ADAM23: variants seen among roughly 807,000 people sequenced by gnomAD.
ADAM23 encodes the protein ADAM metallopeptidase domain 23.
In ADAM23, 33 loss-of-function variants were observed where a neutral mutation model predicts 120.1. The ratio of observed to expected loss-of-function variants is 0.27; its 90% CI spans 0.21 to 0.37. The LOEUF (loss-of-function observed/expected upper bound fraction) is 0.37, where lower values mean the gene tolerates loss of function less well. ADAM23 is among the 10% of genes least tolerant of loss of function. The pLI, the probability that ADAM23 is intolerant of heterozygous loss-of-function variation, is 1.00. For missense variants in ADAM23, 862 were observed against 1,058.2 expected, an observed-to-expected ratio of 0.81 and a Z score of 2.57; for synonymous variants, 367 against 375.2, an observed-to-expected ratio of 0.98 and a Z score of 0.25.
chr2:206,480,906 A>T (rs994053513), intron 2 of ADAM23, among the ~76,000 whole-genome samples: 8 of 152,212 alleles, frequency 5.3e-5, no homozygotes, highest in Non-Finnish European at 8.8e-5. Context: ...ACGGGCTGAA[A>T]TCAAGCTTTA....
intron 10 of ADAM23, 87 bp downstream of exon 10, chr2:206,557,585 A>G: frequency 1.6e-6 from 2 of 1,273,920 alleles, no homozygotes; most frequent in Non-Finnish European, 2.3e-6. Flanking sequence ...TATTTCTTGA[A>G]CAAATTTAAA....
chr2:206,608,470 CAA>C (rs1239899589), intron 24 of ADAM23, among the ~76,000 whole-genome samples: 3 of 152,130 alleles, frequency 2.0e-5, no homozygotes, highest in Non-Finnish European at 4.4e-5. Context: ...TTGTAAAGAT[CAA>C]AAGAGATACT....
At chr2:206,613,216 C>T (rs1478608806) in intron 25 of ADAM23, among the ~76,000 whole-genome samples, 2 of 152,082 alleles carry the variant, frequency 1.3e-5, no homozygotes, top group African/African-American at 4.8e-5. Flanking sequence ...TGCGCCACCA[C>T]GCCCAGCTAA....
chr2:206,544,521 G>T (rs1697355433), intron 6 of ADAM23, among the ~76,000 whole-genome samples: 1 of 152,008 alleles, frequency 6.6e-6, no homozygotes, highest in African/African-American at 2.4e-5. Flanking sequence ...GGCAGATAGA[G>T]ATACACAGAA....
chr2:206,470,196 A>G (rs1695624923), intron 2 of ADAM23, among the ~76,000 whole-genome samples: 1 of 152,154 alleles, frequency 6.6e-6, no homozygotes, highest in South Asian at 2.1e-4. Flanking sequence ...AGAAGCCAAC[A>G]AGGTAATATA....
At chr2:206,586,709 G>T (rs1035195509) in intron 18 of ADAM23, among the ~76,000 whole-genome samples, 1 of 152,016 alleles carries the variant, frequency 6.6e-6, no homozygotes, top group African/African-American at 2.4e-5. Context: ...GAGTAACTTT[G>T]GGGGGAAATG....
In ADAM23 at chr2:206,445,487, T is replaced by A. The variant is rs1352316645; in HGVS notation, c.395T>A (p.Leu132His). 1 of 1,614,024 alleles carries A rather than the reference T, an allele frequency of 6.2e-7. No homozygotes were observed. The highest frequency in any genetic ancestry group is 8.5e-7 in the Non-Finnish European group (1 of 1,180,028). ...NQDSESPYHV[L>H]DTKARHQQKH... ...GACTCGGAAAGCCCTTATCACGTTC[T>A]TGACACAAAGGCAAGACACCAGCAA... is the stretch of plus-strand genomic sequence containing the variant. Residue 132 changes from leucine to histidine, a missense_variant, in exon 2 of 26, where the codon CTT becomes CAT. Physicochemically the swap from Leu to His is moderately conservative, Grantham distance 99. Around this residue, in one of 4 missense-constraint regions of ADAM23, gnomAD observed 225 missense variants for 204.0 expected, o/e 1.10. Coordinates refer to ENST00000264377, the MANE Select transcript of ADAM23 (RefSeq NM_003812.4).
intron 22 of ADAM23, among the ~76,000 whole-genome samples, chr2:206,593,780 A>G (rs770829635): frequency 2.6e-5 from 4 of 152,028 alleles, no homozygotes; most frequent in African/African-American, 7.2e-5. Context: ...AAGATATTCT[A>G]TTAGTGACTA....
intron 21 of ADAM23, among the ~76,000 whole-genome samples, chr2:206,590,792 G>A (rs766171717): frequency 6.6e-6 from 1 of 152,082 alleles, no homozygotes; most frequent in Non-Finnish European, 1.5e-5. Context: ...AGGTGTCAGG[G>A]GATAGGAGCA....
rs189652146 is a variant in ADAM23 at position 206,504,337 on chromosome 2, T to C, written c.509+23029T>C. Among the ~76,000 whole-genome samples the C allele has an allele frequency of 1.2e-3, 178 of 152,268 alleles. 1 individual carries two copies. The highest frequency in any genetic ancestry group is 5.1e-4 in the Non-Finnish European group (35 of 68,010). The stretch of plus-strand genomic sequence containing the variant: ...TATAGGTTATCATATTTGCCCTGAG[T>C]GAACCTGTTGTATCAGCCCAGCTCT... On this transcript the variant is annotated intron_variant, in intron 3 of 25. Transcript: ENST00000264377.
chr2:206,522,057 A>G (rs747684313), intron 3 of ADAM23, among the ~76,000 whole-genome samples: 2 of 152,054 alleles, frequency 1.3e-5, no homozygotes, highest in Non-Finnish European at 2.9e-5. Flanking sequence ...CATGAGTTGC[A>G]TGTTGTATAC....
chr2:206,567,514 G>T (rs922665871), intron 15 of ADAM23, among the ~76,000 whole-genome samples, 192 bp downstream of exon 15: 2 of 152,116 alleles, frequency 1.3e-5, no homozygotes, highest in Admixed American at 1.3e-4. Context: ...CATAGATTCA[G>T]CATTCTCAGT....
chr2:206,609,896 A>G lies in ADAM23; in HGVS notation c.2360-14A>G. The G allele has an allele frequency of 6.3e-7, 1 of 1,593,044 alleles. No individual in the cohort carries two copies. Among genetic ancestry groups the G allele is most frequent in the Non-Finnish European group, 8.5e-7 (1 of 1,172,332 alleles). ...TGGTTCATATGACTCTCTTCCCATG[A>G]TCCTTTGTCACAGGTCCTAGTGCCA... On this transcript the variant is annotated splice_polypyrimidine_tract_variant and intron_variant, in intron 24 of 25. Transcript: ENST00000264377.
intron 24 of ADAM23, among the ~76,000 whole-genome samples, chr2:206,598,155 A>G (rs1432543996): frequency 1.3e-5 from 2 of 152,214 alleles, no homozygotes; most frequent in African/African-American, 4.8e-5. Flanking sequence ...TTTAAGCTCT[A>G]ACAAGAGAAG....
At chr2:206,530,820 C>T in intron 3 of ADAM23, 65 bp from the exon 4 acceptor site, 1 of 1,439,804 alleles carries the variant, frequency 6.9e-7, no homozygotes, top group Non-Finnish European at 9.7e-7. Context: ...ATTTATTGAG[C>T]CGATTGTTTT....
At chr2:206,465,525 A>G (rs1189163485) in intron 2 of ADAM23, among the ~76,000 whole-genome samples, 2 of 152,214 alleles carry the variant, frequency 1.3e-5, no homozygotes, top group African/African-American at 2.4e-5. Context: ...AAAAAAATTA[A>G]TGTACTGTAA....
chr2:206,602,390 G>T (rs1698654880), intron 24 of ADAM23, among the ~76,000 whole-genome samples: 1 of 152,090 alleles, frequency 6.6e-6, no homozygotes, highest in African/African-American at 2.4e-5. Flanking sequence ...AAACAGTAAG[G>T]AGATCTGATT....
At chr2:206,451,824 C>T (rs61382368) in intron 2 of ADAM23, among the ~76,000 whole-genome samples, 8,099 of 152,190 alleles carry the variant, frequency 0.053, 593 homozygotes, top group African/African-American at 0.17. Context: ...CTATATCAAA[C>T]TGTAAGTCCT....
At chr2:206,599,967 C>T (rs1026014901) in intron 24 of ADAM23, among the ~76,000 whole-genome samples, 9 of 152,140 alleles carry the variant, frequency 5.9e-5, no homozygotes, top group African/African-American at 1.7e-4. Flanking sequence ...TTTGGGAGGC[C>T]AAGGCGGGCG....
Sources: allele counts gnomAD v4.1 joint callset (sites outside exome capture counted in the v4.1 genomes callset), GRCh38; gene constraint gnomAD v4.1.1; regional missense constraint gnomAD v4.1.1; transcripts MANE v1.5; gene names NCBI Gene and HGNC (gene_info 2026-07-23, HGNC 2026-07-21).